Variants in SMIM8 observed in about 807,000 individuals in gnomAD.
The protein encoded by SMIM8 is UPF0708 protein C6orf162.
Under a neutral mutation model 8.1 loss-of-function variants are expected in SMIM8, and 8 were observed. The ratio of observed to expected loss-of-function variants is 0.99; its 90% confidence interval spans 0.58 to 1.78. The LOEUF (loss-of-function observed/expected upper bound fraction) is 1.78. SMIM8 is among the 40% of genes most tolerant of loss of function. The pLI, the probability that SMIM8 is intolerant of heterozygous loss-of-function variation, is 0.00. For missense variants in SMIM8, 126 were observed against 119.8 expected (o/e 1.05, Z -0.24); for synonymous variants, 45 against 39.7 (o/e 1.13, Z -0.50).
At chr6:87,324,688 T>C (rs1776771437) in intron 1 of SMIM8, among the ~76,000 whole-genome samples, 1 of 151,648 alleles carries the variant, frequency 6.6e-6, no homozygotes, top group South Asian at 2.1e-4. Context: ...TAGTATACTT[T>C]GAAGTCAGGT....
At chr6:87,336,782 C>T (rs1777121034) in intron 2 of SMIM8, among the ~76,000 whole-genome samples, 1 of 152,078 alleles carries the variant, frequency 6.6e-6, no homozygotes, top group African/African-American at 2.4e-5. Context: ...AACCTTTGCC[C>T]ACCACTTTTA....
At chr6:87,329,565 G>T (rs1776941652) in intron 1 of SMIM8, among the ~76,000 whole-genome samples, 1 of 152,176 alleles carries the variant, frequency 6.6e-6, no homozygotes, top group Admixed American at 6.5e-5. Context: ...TGCTGGGATT[G>T]CAGGCGTGAG....
chr6:87,328,950 CGTG>C (rs1018073270), intron 1 of SMIM8, among the ~76,000 whole-genome samples: 1 of 152,220 alleles, frequency 6.6e-6, no homozygotes, highest in African/African-American at 2.4e-5. Flanking sequence ...GATATAATCT[CGTG>C]GTGCGCCATT....
chr6:87,330,532 G>A (rs902353727), intron 1 of SMIM8, among the ~76,000 whole-genome samples, 160 bp from the exon 2 acceptor site: 2 of 151,910 alleles, frequency 1.3e-5, no homozygotes, highest in Admixed American at 1.3e-4. Flanking sequence ...CCTGACTCTC[G>A]GTGTAGGACC....
chr6:87,335,189 A>G (rs1777080036), intron 2 of SMIM8, among the ~76,000 whole-genome samples: 1 of 152,222 alleles, frequency 6.6e-6, no homozygotes, highest in African/African-American at 2.4e-5. Flanking sequence ...TTCCTGTGGA[A>G]TCCCCTGAGG....
chr6:87,339,205 G>C (rs1230650606), intron 3 of SMIM8, among the ~76,000 whole-genome samples: 1 of 152,108 alleles, frequency 6.6e-6, no homozygotes, highest in African/African-American at 2.4e-5. Context: ...GGGAGGCTGA[G>C]GCAGGAAAAT....
intron 1 of SMIM8, among the ~76,000 whole-genome samples, chr6:87,324,514 T>G (rs1296213858): frequency 1.3e-5 from 2 of 150,860 alleles, no homozygotes; most frequent in African/African-American, 4.9e-5. Flanking sequence ...CAGCACCATT[T>G]ATTAAATAGG....
In SMIM8 at chr6:87,331,716, TA is replaced by T. The variant is rs368453428; in HGVS notation, c.-24+1009del. ...TTTTTAACAAAGTATAGATGGTTGT[TA>T]AAAAGTCTTAGTTTGATAGATGGTG... On this transcript the variant is annotated intron_variant, in intron 2 of 3. Transcript: ENST00000392863. Among the ~76,000 whole-genome samples, 944 of 152,312 alleles carry T rather than the reference TA, an allele frequency of 6.2e-3. 14 individuals are homozygous for T. The highest frequency in any genetic ancestry group is 0.022 in the African/African-American group (907 of 41,572).
At chr6:87,324,064 A>C (rs1187193280) in intron 1 of SMIM8, among the ~76,000 whole-genome samples, 1 of 150,978 alleles carries the variant, frequency 6.6e-6, no homozygotes, top group East Asian at 1.9e-4. Context: ...TGGCTGCATA[A>C]ATGTCTTCTT....
At chr6:87,327,167 A>C (rs972227368) in intron 1 of SMIM8, among the ~76,000 whole-genome samples, 3 of 150,218 alleles carry the variant, frequency 2.0e-5, no homozygotes, top group Admixed American at 6.6e-5. Context: ...GTGTCTCTGC[A>C]CGTGAGATGG....
At chr6:87,328,954 G>A (rs912583580) in intron 1 of SMIM8, among the ~76,000 whole-genome samples, 2 of 152,214 alleles carry the variant, frequency 1.3e-5, no homozygotes, top group African/African-American at 2.4e-5. Flanking sequence ...TAATCTCGTG[G>A]TGCGCCATTT....
chr6:87,331,283 A>G (rs1776990202), intron 2 of SMIM8, among the ~76,000 whole-genome samples: 1 of 152,200 alleles, frequency 6.6e-6, no homozygotes, highest in Admixed American at 6.5e-5. Flanking sequence ...GTGAGTGGTA[A>G]TGTCAGAGTA....
Position 87,341,168 on chromosome 6 carries a change from CT to C in SMIM8, c.*902del, listed in dbSNP as rs963710371. 4 of 396,404 alleles carry C rather than the reference CT, an allele frequency of 1.0e-5. No individual in the cohort carries two copies. The highest frequency in any genetic ancestry group is 3.6e-5 in the East Asian group (1 of 27,956). 24.6% of individuals were successfully genotyped at this position (396,404 alleles called of 1,614,324 possible). A position where few individuals can be genotyped will look rare whatever the true frequency, so the allele number is the denominator to read the frequency against. On this transcript the variant is annotated 3_prime_UTR_variant, in exon 4 of 4. Coordinates refer to ENST00000392863, the MANE Select transcript of SMIM8 (RefSeq NM_001042493.3). The stretch of plus-strand genomic sequence containing the variant: ...AATAGATAAGGTCTCCTTATTGTAC[CT>C]TTTTTTTCTTTTGAAGTTTATATGC...
At chr6:87,337,339 C>G (rs1777136058) in intron 3 of SMIM8, among the ~76,000 whole-genome samples, 173 bp downstream of exon 3, 1 of 152,166 alleles carries the variant, frequency 6.6e-6, no homozygotes, top group Admixed American at 6.5e-5. Flanking sequence ...CATATAAATA[C>G]ACATATAAAA....
At chr6:87,323,535 T>G (rs918245008) in intron 1 of SMIM8, among the ~76,000 whole-genome samples, 9 of 151,430 alleles carry the variant, frequency 5.9e-5, no homozygotes, top group Non-Finnish European at 1.3e-4. Flanking sequence ...TTTGCTTTTT[T>G]GTTCTTGCGA....
At chr6:87,333,531 A>G (rs569359333) in intron 2 of SMIM8, among the ~76,000 whole-genome samples, 1 of 152,340 alleles carries the variant, frequency 6.6e-6, no homozygotes, top group Non-Finnish European at 1.5e-5. Context: ...CATCGTGGCT[A>G]AGAGAAGAAA....
In SMIM8 at chr6:87,327,362, A is replaced by G. The variant is rs188341374; in HGVS notation, c.-44-3330A>G. Among the ~76,000 whole-genome samples the G allele has an allele frequency of 2.9e-3, 438 of 152,054 alleles. 1 individual carries two copies. The highest frequency in any genetic ancestry group is 6.8e-3 in the Middle Eastern group (2 of 294). On this transcript the variant is annotated intron_variant, in intron 1 of 3. Transcript: ENST00000392863. ...TTGATACAGTTTCTTCCTAGTCTCA[A>G]TGGTCTTTACATTTTGGCAATGGAT...
chr6:87,322,683 G>C (rs888346939), intron 1 of SMIM8, 51 bp downstream of exon 1: 1 of 152,244 alleles, frequency 6.6e-6, no homozygotes. Flanking sequence ...GCCTGGAGGG[G>C]CCAGGGCGGC....
intron 2 of SMIM8, among the ~76,000 whole-genome samples, chr6:87,331,233 C>T (rs961748224): frequency 5.3e-5 from 8 of 152,142 alleles, no homozygotes; most frequent in African/African-American, 1.9e-4. Flanking sequence ...TAAGAAAGTT[C>T]TGATGGAAGT....
Sources: gnomAD v4.1 joint callset for allele counts (sites outside exome capture counted in the v4.1 genomes callset) on GRCh38, gnomAD v4.1.1 for gene constraint, MANE v1.5 for transcripts, NCBI Gene and HGNC (gene_info 2026-07-23, HGNC 2026-07-21) for gene names.